PDE3B: variants seen among roughly 807,000 people sequenced by gnomAD.
PDE3B encodes cGMP-inhibited 3',5'-cyclic phosphodiesterase 3B.
In PDE3B, 66 loss-of-function variants were observed where a neutral mutation model predicts 116.8. That is an observed-to-expected ratio of 0.56 (90% CI 0.46 to 0.69). PDE3B has a LOEUF of 0.69. PDE3B is among the 30% of genes least tolerant of loss of function. The pLI, the probability that PDE3B is intolerant of heterozygous loss-of-function variation, is 0.00. For synonymous variants in PDE3B, 595 were observed against 533.6 expected (o/e 1.12, Z -1.59); for missense variants, 1,384 against 1,368.1 (o/e 1.01, Z -0.18).
chr11:14,850,920 C>G (rs1296395664), intron 12 of PDE3B, among the ~76,000 whole-genome samples: 1 of 152,056 alleles, frequency 6.6e-6, no homozygotes, highest in Non-Finnish European at 1.5e-5. Context: ...GCTCCGCCCC[C>G]CAGGTTCATG....
intron 1 of PDE3B, among the ~76,000 whole-genome samples, chr11:14,645,511 A>G (rs1029474931): frequency 6.6e-6 from 1 of 152,318 alleles, no homozygotes; most frequent in Admixed American, 6.5e-5. Flanking sequence ...TATGAGTTTT[A>G]ATCAGTGTGG....
the PDE3B span, chr11:14,891,506 C>G: frequency 2.0e-6 from 2 of 994,378 alleles, no homozygotes; most frequent in Non-Finnish European, 2.4e-6. Context: ...ACCAGTCGTT[C>G]GTCGACTGCA....
intron 1 of PDE3B, among the ~76,000 whole-genome samples, chr11:14,648,074 T>TA (rs767221892): frequency 6.6e-6 from 1 of 151,970 alleles, no homozygotes; most frequent in East Asian, 1.9e-4. Context: ...ATAGGAAGTT[T>TA]AAAAAAATCA....
At chr11:14,739,944 G>A (rs1856715568) in intron 1 of PDE3B, among the ~76,000 whole-genome samples, 2 of 152,098 alleles carry the variant, frequency 1.3e-5, no homozygotes. Flanking sequence ...TGCATCCCAG[G>A]GTTGAAGCTG....
intron 7 of PDE3B, among the ~76,000 whole-genome samples, chr11:14,821,975 T>C (rs1238695674): frequency 6.6e-6 from 1 of 151,576 alleles, no homozygotes; most frequent in East Asian, 1.9e-4. Context: ...GGCACAATCA[T>C]GGCTCACTGC....
the PDE3B span, among the ~76,000 whole-genome samples, chr11:14,892,532 GC>G: frequency 1.3e-5 from 2 of 152,182 alleles, no homozygotes. Flanking sequence ...ACTGGGCTAG[GC>G]GGATCCTGCC....
chr11:14,667,577 C>G (rs1854210925), intron 1 of PDE3B, among the ~76,000 whole-genome samples: 2 of 151,582 alleles, frequency 1.3e-5, no homozygotes, highest in South Asian at 4.2e-4. Flanking sequence ...TCTCAGCAAA[C>G]TGTCGCAAGG....
At chr11:14,717,520 G>GA (rs1855942595) in intron 1 of PDE3B, among the ~76,000 whole-genome samples, 1 of 61,712 alleles carries the variant, frequency 1.6e-5, no homozygotes, top group Non-Finnish European at 3.1e-5. Flanking sequence ...CAGCCAGAGA[G>GA]AAAGGTCGGG....
At chr11:14,775,813 A>C (rs1296524993) in intron 2 of PDE3B, 1 of 152,342 alleles carries the variant, frequency 6.6e-6, no homozygotes, top group East Asian at 1.9e-4. Context: ...CTGGGATTAC[A>C]GGGGTAAGAG....
the PDE3B span, chr11:14,887,484 C>T: frequency 4.5e-6 from 3 of 665,420 alleles, no homozygotes; most frequent in Non-Finnish European, 5.6e-6. Context: ...ATTGTGAAAA[C>T]TTATCCTTAA....
At chr11:14,768,626 G>T (rs1320691875) in intron 1 of PDE3B, among the ~76,000 whole-genome samples, 1 of 151,310 alleles carries the variant, frequency 6.6e-6, no homozygotes, top group Admixed American at 6.6e-5. Context: ...GAACATTTGG[G>T]TTGTATCTAG....
intron 12 of PDE3B, among the ~76,000 whole-genome samples, chr11:14,851,506 T>TGG (rs10666771): frequency 0.35 from 46,548 of 133,530 alleles, 7,352 homozygotes; most frequent in Non-Finnish European, 0.37. Flanking sequence ...ATGGGTATAA[T>TGG]GGGGTGTGTG....
chr11:14,693,564 G>A (rs1391980284), intron 1 of PDE3B, among the ~76,000 whole-genome samples: 1 of 152,162 alleles, frequency 6.6e-6, no homozygotes, highest in Non-Finnish European at 1.5e-5. Context: ...CTTGAGCCCT[G>A]TAAGCAGAAC....
intron 5 of PDE3B, among the ~76,000 whole-genome samples, chr11:14,814,047 T>C (rs1257105479): frequency 6.6e-6 from 1 of 152,202 alleles, no homozygotes; most frequent in Non-Finnish European, 1.5e-5. Flanking sequence ...TTTTCATGTA[T>C]GTTCATTTGA....
intron 1 of PDE3B, among the ~76,000 whole-genome samples, chr11:14,675,509 T>C (rs944780926): frequency 2.0e-5 from 3 of 152,190 alleles, no homozygotes; most frequent in Non-Finnish European, 2.9e-5. Flanking sequence ...CTTGAACTTC[T>C]TTCCGGTCTG....
chr11:14,733,311 C>T (rs1322943219), intron 1 of PDE3B, among the ~76,000 whole-genome samples: 5 of 152,166 alleles, frequency 3.3e-5, no homozygotes, highest in Non-Finnish European at 7.3e-5. Context: ...TGACAATAAG[C>T]TCCGATTCTT....
At chr11:14,785,827 CTTT>C (rs1858171770) in intron 2 of PDE3B, among the ~76,000 whole-genome samples, 1 of 151,774 alleles carries the variant, frequency 6.6e-6, no homozygotes, top group South Asian at 2.1e-4. Flanking sequence ...ACATATTTTT[CTTT>C]ATTTTTATCT....
chr11:14,694,718 T>G (rs1855152886), intron 1 of PDE3B, among the ~76,000 whole-genome samples: 1 of 152,162 alleles, frequency 6.6e-6, no homozygotes, highest in Non-Finnish European at 1.5e-5. Flanking sequence ...CTCACTTTAT[T>G]TCAGTGGTCC....
intron 1 of PDE3B, among the ~76,000 whole-genome samples, chr11:14,721,166 A>G (rs1305666396): frequency 2.0e-5 from 3 of 152,050 alleles, no homozygotes; most frequent in Admixed American, 6.5e-5. Context: ...CAAAAAATAC[A>G]TGAAAAAATG....
Sources: allele counts gnomAD v4.1 joint callset (sites outside exome capture counted in the v4.1 genomes callset), GRCh38; gene constraint gnomAD v4.1.1; transcripts MANE v1.5; gene names NCBI Gene and HGNC (gene_info 2026-07-23, HGNC 2026-07-21).